Variants in ABTB2 observed in about 807,000 individuals in gnomAD.
ABTB2 encodes ankyrin repeat and BTB/POZ domain-containing protein 2.
ABTB2 carries 56 observed loss-of-function variants against 104.1 expected under a neutral mutation model. That is an observed-to-expected ratio of 0.54 (90% CI 0.43 to 0.67). The LOEUF (loss-of-function observed/expected upper bound fraction) is 0.67, where lower values mean the gene tolerates loss of function less well. Among genes scored for constraint, ABTB2 ranks in the 30% least tolerant of loss-of-function variants. The pLI is 0.00. For missense variants in ABTB2, 1,279 were observed against 1,407.7 expected (o/e 0.91, Z 1.46); for synonymous variants, 606 against 608.2 (o/e 1.00, Z 0.05).
At chr11:34,225,481 C>G (rs4755362) in intron 1 of ABTB2, among the ~76,000 whole-genome samples, 1 of 151,998 alleles carries the variant, frequency 6.6e-6, no homozygotes, top group Non-Finnish European at 1.5e-5. Context: ...GCTAGCCAGG[C>G]GCGGTGGCTC....
chr11:34,171,096 C>A (rs375179686), intron 4 of ABTB2, 25 bp from the exon 5 acceptor site: 23 of 1,608,380 alleles, frequency 1.4e-5, no homozygotes, highest in Non-Finnish European at 2.0e-5. Flanking sequence ...CCCAAAGGTG[C>A]GTGTGACTGT....
chr11:34,171,816 T>C (rs1018788122), intron 4 of ABTB2, among the ~76,000 whole-genome samples: 3 of 152,136 alleles, frequency 2.0e-5, no homozygotes, highest in African/African-American at 7.2e-5. Context: ...TTCTCTCTCT[T>C]TAAGGCTTCC....
At chr11:34,216,451 T>G (rs1373052867) in intron 1 of ABTB2, among the ~76,000 whole-genome samples, 2 of 152,154 alleles carry the variant, frequency 1.3e-5, no homozygotes, top group African/African-American at 2.4e-5. Flanking sequence ...CTTCCTTTAC[T>G]TAGAAATATA....
intron 1 of ABTB2, among the ~76,000 whole-genome samples, chr11:34,212,837 C>T (rs1054827899): frequency 3.9e-5 from 6 of 152,318 alleles, no homozygotes; most frequent in East Asian, 1.9e-4. Flanking sequence ...AAGTCAGGCC[C>T]GGGGCCCAGG....
At chr11:34,330,583 T>C (rs1855116785) in intron 1 of ABTB2, among the ~76,000 whole-genome samples, 1 of 152,220 alleles carries the variant, frequency 6.6e-6, no homozygotes, top group South Asian at 2.1e-4. Context: ...CACCTCTCAT[T>C]CCTAAAATGG....
intron 8 of ABTB2, 67 bp downstream of exon 8, chr11:34,165,193 A>G: frequency 1.4e-6 from 2 of 1,413,388 alleles, no homozygotes; most frequent in Non-Finnish European, 1.9e-6. Context: ...GTCCAGCTAC[A>G]TGCCTGGCCA....
At chr11:34,309,736 T>C (rs956887688) in intron 1 of ABTB2, among the ~76,000 whole-genome samples, 1 of 152,164 alleles carries the variant, frequency 6.6e-6, no homozygotes, top group African/African-American at 2.4e-5. Context: ...GAAGTCTCAA[T>C]TGTTCCTTTA....
intron 1 of ABTB2, among the ~76,000 whole-genome samples, chr11:34,213,351 G>T (rs993336418): frequency 2.0e-5 from 3 of 152,134 alleles, no homozygotes; most frequent in Non-Finnish European, 2.9e-5. Context: ...GTGGTGGCAG[G>T]TGCCTGTAGT....
chr11:34,157,076 C>T (rs191661493), intron 14 of ABTB2, among the ~76,000 whole-genome samples: 9 of 152,272 alleles, frequency 5.9e-5, no homozygotes, highest in East Asian at 1.9e-4. Flanking sequence ...AGAGTCAATG[C>T]GGTATTTAGG....
intron 1 of ABTB2, among the ~76,000 whole-genome samples, chr11:34,343,728 C>A (rs1855293171): frequency 6.6e-6 from 1 of 152,090 alleles, no homozygotes; most frequent in Admixed American, 6.5e-5. Flanking sequence ...CCTGCCTTGG[C>A]CTCCCAAAGC....
intron 3 of ABTB2, among the ~76,000 whole-genome samples, chr11:34,184,020 C>T (rs1452549045): frequency 1.3e-5 from 2 of 151,748 alleles, no homozygotes; most frequent in Non-Finnish European, 1.5e-5. Flanking sequence ...TGGGCTTAAG[C>T]GATCCTCCCA....
chr11:34,322,928 G>A (rs2133111944), intron 1 of ABTB2, among the ~76,000 whole-genome samples: 1 of 152,224 alleles, frequency 6.6e-6, no homozygotes, highest in African/African-American at 2.4e-5. Flanking sequence ...ATTTATTTAT[G>A]AGATTGAGTC....
intron 1 of ABTB2, among the ~76,000 whole-genome samples, chr11:34,236,401 G>A (rs1348167052): frequency 2.0e-5 from 3 of 152,160 alleles, no homozygotes; most frequent in African/African-American, 7.2e-5. Flanking sequence ...TCTTTAATGT[G>A]CCTTTTAAGA....
At chr11:34,263,606 C>T (rs1854214464) in intron 1 of ABTB2, among the ~76,000 whole-genome samples, 2 of 152,170 alleles carry the variant, frequency 1.3e-5, no homozygotes, top group Admixed American at 6.5e-5. Flanking sequence ...AGGTGGCTGA[C>T]TCATTCTTGC....
intron 1 of ABTB2, among the ~76,000 whole-genome samples, chr11:34,206,786 C>G (rs1415202357): frequency 1.3e-5 from 2 of 152,186 alleles, no homozygotes; most frequent in Non-Finnish European, 2.9e-5. Context: ...GATGGTCAGT[C>G]CTGCCCTCCT....
chr11:34,268,277 G>A (rs1195402734), intron 1 of ABTB2, among the ~76,000 whole-genome samples: 1 of 152,180 alleles, frequency 6.6e-6, no homozygotes, highest in African/African-American at 2.4e-5. Flanking sequence ...AAGAAGTCAA[G>A]TAAATAAGTT....
Position 34,306,236 on chromosome 11 carries a change from ATTTTTTT to A in ABTB2, c.883+50458_883+50464del, listed in dbSNP as rs34872949. Among the ~76,000 whole-genome samples the A allele has an allele frequency of 4.7e-3, 339 of 71,964 alleles. 3 individuals carry two copies. Among genetic ancestry groups the A allele is most frequent in the African/African-American group, 0.013 (253 of 20,226 alleles). The allele number at this position is 71,964 out of a possible 152,430, so 47.2% of individuals were successfully genotyped here. Reference sequence around the variant, plus strand: ...TCCCACTAGCTGCCTGGAAAGTTTGATTTTTTTTTTTTTTTTTTTTTTTTTTTTTGAG... The same window carrying A: ...TCCCACTAGCTGCCTGGAAAGTTTGATTTTTTTTTTTTTTTTTTTTTTGAG... On this transcript the variant is annotated intron_variant, in intron 1 of 16. Coordinates refer to ENST00000435224, the MANE Select transcript of ABTB2 (RefSeq NM_145804.3).
chr11:34,192,109 G>A (rs963062369), intron 3 of ABTB2, among the ~76,000 whole-genome samples: 2 of 152,166 alleles, frequency 1.3e-5, no homozygotes, highest in Non-Finnish European at 2.9e-5. Flanking sequence ...TGGGCAACAT[G>A]GTGGGACCCC....
At position 34,310,670 on chromosome 11, in the gene ABTB2, C is replaced by A. The variant is rs185549844; in HGVS notation, c.883+46031G>T. On this transcript the variant is annotated intron_variant, in intron 1 of 16. Coordinates refer to ENST00000435224, the MANE Select transcript of ABTB2 (RefSeq NM_145804.3). Reference sequence around the variant, plus strand: ...CCCTTTCCTTGCACCTCCCTCACCCCCCAGCACCCTCCCTCTGCTAGTCAA... The same window carrying A: ...CCCTTTCCTTGCACCTCCCTCACCCACCAGCACCCTCCCTCTGCTAGTCAA... 3.1e-3 allele frequency among the ~76,000 whole-genome samples: 468 copies of A among 152,286 alleles called. 3 individuals carry two copies. Among genetic ancestry groups the A allele is most frequent in the African/African-American group, 0.011 (453 of 41,540 alleles).
Sources: gnomAD v4.1 joint callset for allele counts (sites outside exome capture counted in the v4.1 genomes callset) on GRCh38, gnomAD v4.1.1 for gene constraint, MANE v1.5 for transcripts, NCBI Gene and HGNC (gene_info 2026-07-23, HGNC 2026-07-21) for gene names.